CMSS1: variants seen among roughly 807,000 people sequenced by gnomAD.
The protein encoded by CMSS1 is protein CMSS1.
A neutral mutation model predicts 43.5 loss-of-function variants in CMSS1; 33 were observed. The ratio of observed to expected loss-of-function variants is 0.76; its 90% CI spans 0.57 to 1.01. CMSS1 has a LOEUF of 1.01. CMSS1 is among the 50% of genes least tolerant of loss of function. The pLI is 0.00. For missense variants in CMSS1, 313 were observed against 326.4 expected, an observed-to-expected ratio of 0.96 and a Z score of 0.32; for synonymous variants, 115 against 117.2, an observed-to-expected ratio of 0.98 and a Z score of 0.12.
intron 1 of CMSS1, among the ~76,000 whole-genome samples, chr3:100,145,974 TA>T (rs1472875419): frequency 6.6e-6 from 1 of 152,222 alleles, no homozygotes; most frequent in African/African-American, 2.4e-5. Context: ...TGCAAACATT[TA>T]AAAGCACAGG....
chr3:100,108,665 G>A lies in CMSS1; in HGVS notation c.65-38308G>A, dbSNP rs140407550. On this transcript the variant is annotated intron_variant, in intron 1 of 9. Transcript: ENST00000421999. ...CTAGATGCTACTGTGTTACAATTCC[G>A]AGATCAACATTGGATTACAGGACCC... Among the ~76,000 whole-genome samples, 1,150 of 152,230 alleles carry A rather than the reference G, an allele frequency of 7.6e-3. 5 individuals carry two copies. Among genetic ancestry groups the A allele is most frequent in the African/African-American group, 0.011 (468 of 41,548 alleles).
intron 1 of CMSS1, among the ~76,000 whole-genome samples, chr3:99,910,316 T>A (rs1706750237): frequency 7.3e-6 from 1 of 136,682 alleles, no homozygotes. Flanking sequence ...AGAAAACTGG[T>A]TTGGGACACA....
At chr3:99,859,957 C>T (rs1362514742) in intron 1 of CMSS1, among the ~76,000 whole-genome samples, 2 of 152,208 alleles carry the variant, frequency 1.3e-5, no homozygotes, top group African/African-American at 2.4e-5. Context: ...ATTACAGCTA[C>T]AGCATACCAT....
intron 1 of CMSS1, among the ~76,000 whole-genome samples, chr3:100,057,124 G>C (rs1049602668): frequency 6.6e-6 from 1 of 152,214 alleles, no homozygotes; most frequent in Non-Finnish European, 1.5e-5. Flanking sequence ...CCTGCAGTCA[G>C]AGAAGCTCTG....
chr3:99,932,185 C>T (rs985382337), intron 1 of CMSS1, among the ~76,000 whole-genome samples: 3 of 152,138 alleles, frequency 2.0e-5, no homozygotes, highest in African/African-American at 7.2e-5. Context: ...CTTCTCCTCC[C>T]TTCCCACTCC....
chr3:100,151,841 A>G (rs942027516), intron 2 of CMSS1, among the ~76,000 whole-genome samples: 2 of 152,186 alleles, frequency 1.3e-5, no homozygotes, highest in East Asian at 1.9e-4. Context: ...TGTGAGCTCA[A>G]TATCCAAAAT....
At chr3:100,022,761 C>T (rs947618855) in intron 1 of CMSS1, among the ~76,000 whole-genome samples, 2 of 152,174 alleles carry the variant, frequency 1.3e-5, no homozygotes, top group Non-Finnish European at 1.5e-5. Flanking sequence ...TGGTTATTTT[C>T]TGCTGCCCAG....
At chr3:99,946,680 G>T (rs1321717682) in intron 1 of CMSS1, among the ~76,000 whole-genome samples, 5 of 152,176 alleles carry the variant, frequency 3.3e-5, no homozygotes, top group African/African-American at 9.7e-5. Flanking sequence ...TTACTTGAAG[G>T]TATTTGAGGG....
chr3:99,923,731 T>C (rs1483812187), intron 1 of CMSS1, among the ~76,000 whole-genome samples: 1 of 152,220 alleles, frequency 6.6e-6, no homozygotes, highest in Non-Finnish European at 1.5e-5. Flanking sequence ...GATCATCTTA[T>C]TTTCCCTTTC....
intron 1 of CMSS1, among the ~76,000 whole-genome samples, chr3:100,070,623 T>G (rs941434730): frequency 1.3e-5 from 2 of 152,096 alleles, no homozygotes; most frequent in African/African-American, 4.8e-5. Context: ...GTGGGGTTTT[T>G]TTGTTGTTGT....
chr3:99,972,158 G>A (rs2107719070), intron 1 of CMSS1, among the ~76,000 whole-genome samples: 1 of 152,276 alleles, frequency 6.6e-6, no homozygotes, highest in East Asian at 1.9e-4. Context: ...TGCAAAGTGT[G>A]GGGAAAGATG....
At chr3:99,915,155 G>A (rs1301556195) in intron 1 of CMSS1, among the ~76,000 whole-genome samples, 1 of 152,038 alleles carries the variant, frequency 6.6e-6, no homozygotes, top group East Asian at 1.9e-4. Flanking sequence ...TCATCAAAAT[G>A]GGCTTGTCTT....
intron 1 of CMSS1, among the ~76,000 whole-genome samples, chr3:99,989,443 T>C (rs1709447531): frequency 6.6e-6 from 1 of 152,212 alleles, no homozygotes; most frequent in Non-Finnish European, 1.5e-5. Flanking sequence ...CCACATTTTC[T>C]GGAGACCCAA....
chr3:100,052,626 A>G (rs2065393396), intron 1 of CMSS1, among the ~76,000 whole-genome samples: 1 of 152,252 alleles, frequency 6.6e-6, no homozygotes, highest in Non-Finnish European at 1.5e-5. Context: ...ATAGCTCAGG[A>G]GCAAGTATTA....
At chr3:100,071,864 G>A (rs1008697141) in intron 1 of CMSS1, among the ~76,000 whole-genome samples, 4 of 152,124 alleles carry the variant, frequency 2.6e-5, no homozygotes, top group Non-Finnish European at 5.9e-5. Flanking sequence ...TTTCCCAGGT[G>A]TGAACCAGTG....
At chr3:99,892,398 T>C (rs1706110687) in intron 1 of CMSS1, among the ~76,000 whole-genome samples, 1 of 152,186 alleles carries the variant, frequency 6.6e-6, no homozygotes. Flanking sequence ...TTATACTTTG[T>C]CTAGGAAGTG....
At chr3:99,910,828 A>AT (rs1432852089) in intron 1 of CMSS1, among the ~76,000 whole-genome samples, 5 of 151,938 alleles carry the variant, frequency 3.3e-5, no homozygotes, top group South Asian at 2.1e-4. Context: ...AACTAGTGTT[A>AT]TTTTTTTTAA....
At chr3:99,826,729 C>T (rs1942543006) in intron 1 of CMSS1, among the ~76,000 whole-genome samples, 1 of 152,114 alleles carries the variant, frequency 6.6e-6, no homozygotes, top group African/African-American at 2.4e-5. Flanking sequence ...ATGTATTAGA[C>T]CAGTCACATA....
chr3:100,046,426 CTT>C (rs77328793), intron 1 of CMSS1, among the ~76,000 whole-genome samples: 1 of 143,522 alleles, frequency 7.0e-6, no homozygotes, highest in Non-Finnish European at 1.5e-5. Flanking sequence ...AGTAAACAAC[CTT>C]TTTTTTTTTT....
Sources: allele counts gnomAD v4.1 joint callset (sites outside exome capture counted in the v4.1 genomes callset), GRCh38; gene constraint gnomAD v4.1.1; transcripts MANE v1.5; gene names NCBI Gene and HGNC (gene_info 2026-07-23, HGNC 2026-07-21).